UNC13A: variants seen among roughly 807,000 people sequenced by gnomAD.
UNC13A encodes protein unc-13 homolog A.
UNC13A carries 61 observed loss-of-function variants against 219.7 expected under a neutral mutation model. That is an observed-to-expected ratio of 0.28 (90% CI 0.23 to 0.34). UNC13A has a LOEUF of 0.34. UNC13A is among the 10% of genes least tolerant of loss of function. The pLI, the probability that UNC13A is intolerant of heterozygous loss-of-function variation, is 1.00. For missense variants in UNC13A, 1,476 were observed against 2,270.3 expected (o/e 0.65, Z 7.11); for synonymous variants, 920 against 884.6 (o/e 1.04, Z -0.71).
chr19:17,632,804 C>T lies in UNC13A; in HGVS notation c.3406G>A (p.Asp1136Asn), dbSNP rs2076870972. 1.9e-6 allele frequency: 3 copies of T among 1,613,780 alleles called. No individual in the cohort carries two copies. In the African/African-American group the frequency reaches 4.0e-5, roughly 22 times the overall value. Residue 1136 changes from aspartate (D) to asparagine (N), a missense_variant, in exon 28 of 44, where the codon GAC (aspartate) becomes AAC (asparagine). Physicochemically the swap from Asp to Asn is conservative, Grantham distance 23 (BLOSUM62 1). Around this residue, in one of 14 missense-constraint regions of UNC13A, gnomAD observed 218 missense variants for 409.4 expected, o/e 0.53. Coordinates refer to ENST00000519716, the MANE Select transcript of UNC13A (RefSeq NM_001080421.3). ...EYVTELPAFK[D>N]RVPEYPAWFE... ...TACGCAGGGTACTCAGGCACGCGGT[C>T]CTTGAAGGCGGGAAGTTCCGTCACA...
chr19:17,657,959 C>G (rs544514999), intron 9 of UNC13A, 103 bp downstream of exon 9: 1 of 1,218,830 alleles, frequency 8.2e-7, no homozygotes, highest in African/African-American at 1.5e-5. Flanking sequence ...TGAATTCTGC[C>G]CTTCTGGAAC....
In UNC13A at chr19:17,606,082, T is replaced by A; in HGVS notation, c.5084A>T (p.Glu1695Val). 1 of 1,587,448 alleles carries A rather than the reference T, an allele frequency of 6.3e-7. No homozygotes were observed. Among genetic ancestry groups the A allele is most frequent in the Non-Finnish European group, 8.5e-7 (1 of 1,170,100 alleles). The change falls in exon 44 of 44, where the codon GAG becomes GTG. Residue 1695 changes from glutamate to valine, a missense_variant. Glu to Val is a moderately radical substitution (Grantham distance 121, BLOSUM62 -2). Around this residue, in one of 14 missense-constraint regions of UNC13A, gnomAD observed 187 missense variants for 172.3 expected, o/e 1.09. Coordinates refer to ENST00000519716, the MANE Select transcript of UNC13A (RefSeq NM_001080421.3). ...VKLKSDTRSA[E>V]EGGAAPAP ...AGGCGCAGGCGCGGCACCGCCCTCC[T>A]CGGCGGAGCGCGTGTCCGACTTGAG...
Position 17,669,430 on chromosome 19 carries a change from A to G in UNC13A, c.394+123T>C, listed in dbSNP as rs923393459. On this transcript the variant is annotated intron_variant, in intron 5 of 43. Coordinates refer to ENST00000519716, the MANE Select transcript of UNC13A (RefSeq NM_001080421.3). ...AACTCTCTCTCCTCCGGGGCGAAGG[A>G]CCCTCATTCTCAGCCTGAAGGGTCA... 1.2e-5 allele frequency: 16 copies of G among 1,351,540 alleles called. No homozygotes were observed. The African/African-American group carries it at 2.3e-4, about 20-fold the overall frequency. The allele number at this position is 1,351,540 out of a possible 1,614,324, so 83.7% of individuals were successfully genotyped here.
chr19:17,678,737 C>A (rs966131303), intron 1 of UNC13A, among the ~76,000 whole-genome samples: 13 of 151,876 alleles, frequency 8.6e-5, no homozygotes, highest in African/African-American at 3.1e-4. Flanking sequence ...GGAGGTCCAG[C>A]CTGCAGGCGT....
At chr19:17,686,304 C>T (rs1164868222) in intron 1 of UNC13A, among the ~76,000 whole-genome samples, 1 of 18,210 alleles carries the variant, frequency 5.5e-5, no homozygotes, top group Non-Finnish European at 1.5e-4. Flanking sequence ...CCCCGCCCCC[C>T]CCCCCCCCCC....
intron 41 of UNC13A, among the ~76,000 whole-genome samples, chr19:17,614,715 G>C (rs566759121): frequency 4.6e-5 from 7 of 152,222 alleles, no homozygotes; most frequent in African/African-American, 1.7e-4. Flanking sequence ...CATCACCCCA[G>C]TACTGGGGTA....
At position 17,630,764 on chromosome 19, in the gene UNC13A, C is replaced by G; in HGVS notation, c.3429-14G>C. The G allele has an allele frequency of 6.2e-7, 1 of 1,612,214 alleles. No individual in the cohort carries two copies. The highest frequency in any genetic ancestry group is 8.5e-7 in the Non-Finnish European group (1 of 1,178,936). On this transcript the variant is annotated splice_polypyrimidine_tract_variant and intron_variant, in intron 28 of 43. Coordinates refer to ENST00000519716, the MANE Select transcript of UNC13A (RefSeq NM_001080421.3). ...GGTTCAAACCATCTGGAATGAAGAGCCGGGGTGGGGCTCTGCCACCTCTTG... is the reference window on the plus strand; with the variant it reads ...GGTTCAAACCATCTGGAATGAAGAGGCGGGGTGGGGCTCTGCCACCTCTTG...
At chr19:17,635,962 C>T in intron 26 of UNC13A, 62 bp downstream of exon 26, 2 of 1,531,222 alleles carry the variant, frequency 1.3e-6, no homozygotes, top group Non-Finnish European at 1.8e-6. Context: ...ACACAAGACA[C>T]AAAGTTGTAT....
chr19:17,618,722 C>G (rs935917302), intron 39 of UNC13A, among the ~76,000 whole-genome samples, 184 bp downstream of exon 39: 4 of 152,118 alleles, frequency 2.6e-5, no homozygotes, highest in African/African-American at 9.7e-5. Flanking sequence ...GAAGCTGAAC[C>G]ATTCACATCT....
intron 35 of UNC13A, 25 bp from the exon 36 acceptor site, chr19:17,623,572 CGGTGGGGGAGG>C: frequency 1.1e-5 from 3 of 264,612 alleles, no homozygotes; most frequent in Non-Finnish European, 2.0e-5. Flanking sequence ...GGGGGCGGGG[CGGTGGGGGAGG>C]GGGGAATAAG....
intron 37 of UNC13A, among the ~76,000 whole-genome samples, chr19:17,621,215 C>T (rs921877500): frequency 2.0e-5 from 3 of 152,248 alleles, no homozygotes; most frequent in African/African-American, 7.2e-5. Context: ...CACAAAAACC[C>T]ACACACCCTT....
chr19:17,606,611 C>G (rs930258570), intron 43 of UNC13A, among the ~76,000 whole-genome samples: 1 of 152,172 alleles, frequency 6.6e-6, no homozygotes, highest in Admixed American at 6.5e-5. Flanking sequence ...GAAAAATGAC[C>G]GCATAGTTTT....
chr19:17,616,828 G>A (rs1194995545), intron 41 of UNC13A, among the ~76,000 whole-genome samples: 1 of 152,032 alleles, frequency 6.6e-6, no homozygotes, highest in Non-Finnish European at 1.5e-5. Flanking sequence ...GCTGGGTGTC[G>A]ATGGCGATTC....
Position 17,666,662 on chromosome 19 carries a change from TG to T in UNC13A, c.510del (p.Ser171AlafsTer99). On this transcript the variant is annotated frameshift_variant, in exon 7 of 44. Coordinates refer to ENST00000519716, the MANE Select transcript of UNC13A (RefSeq NM_001080421.3). LOFTEE classifies it high-confidence loss of function. ...AAGAGGTACTTACAGCACTGGTTGCTGGGGACAGGCAGAGGCTTGTCTTGCT... is the reference window on the plus strand; with the variant it reads ...AAGAGGTACTTACAGCACTGGTTGCTGGGACAGGCAGAGGCTTGTCTTGCT... ...QDEQDKPLPV[P>X]SNQCCNWNYF... The T allele has an allele frequency of 6.5e-7, 1 of 1,532,838 alleles. No individual in the cohort carries two copies. Among genetic ancestry groups the T allele is most frequent in the Non-Finnish European group, 8.8e-7 (1 of 1,139,086 alleles). 95.0% of individuals were successfully genotyped at this position (1,532,838 alleles called of 1,614,324 possible).
chr19:17,614,376 T>C (rs1398183445), intron 41 of UNC13A: 1 of 152,202 alleles, frequency 6.6e-6, no homozygotes, highest in African/African-American at 2.4e-5. Flanking sequence ...TGTGGTGGGC[T>C]TCTGTTTGGG....
chr19:17,681,433 T>C (rs923318698), intron 1 of UNC13A, among the ~76,000 whole-genome samples: 1 of 152,216 alleles, frequency 6.6e-6, no homozygotes, highest in Admixed American at 6.5e-5. Flanking sequence ...CAGCGGGAGA[T>C]GGATGGGCTT....
rs904041977 is a variant in UNC13A at position 17,605,935 on chromosome 19, C to T, written c.*119G>A. 22 of 967,212 alleles carry T rather than the reference C, an allele frequency of 2.3e-5. No homozygotes were observed. The Admixed American group carries it at 8.0e-4, about 35-fold the overall frequency. The allele number at this position is 967,212 out of a possible 1,614,324, so 59.9% of individuals were successfully genotyped here. On this transcript the variant is annotated 3_prime_UTR_variant, in exon 44 of 44. Coordinates refer to ENST00000519716, the MANE Select transcript of UNC13A (RefSeq NM_001080421.3). The stretch of plus-strand genomic sequence containing the variant: ...AGTCAAGGGCGTAGGCGCAGCCCAC[C>T]CTTGGCGTGGAGCCCCCCGAGCCCC...
chr19:17,632,753 T>C (rs750589291), intron 28 of UNC13A, 29 bp downstream of exon 28: 2 of 1,613,104 alleles, frequency 1.2e-6, no homozygotes, highest in African/African-American at 2.7e-5. Context: ...CAGTTCTGGC[T>C]TGGGTTGGGC....
At chr19:17,662,884 C>T (rs978986019) in intron 8 of UNC13A, among the ~76,000 whole-genome samples, 2 of 151,118 alleles carry the variant, frequency 1.3e-5, no homozygotes, top group Non-Finnish European at 3.0e-5. Context: ...CGTGCCACTG[C>T]CCTCCAGCCT....
Sources: gnomAD v4.1 joint callset for allele counts (sites outside exome capture counted in the v4.1 genomes callset) on GRCh38, gnomAD v4.1.1 for gene constraint, gnomAD v4.1.1 regional missense constraint, MANE v1.5 for transcripts, NCBI Gene and HGNC (gene_info 2026-07-23, HGNC 2026-07-21) for gene names.